DPT: variants seen among roughly 807,000 people sequenced by gnomAD.
The protein encoded by DPT is dermatopontin.
In DPT, 21 loss-of-function variants were observed where a neutral mutation model predicts 31.2. The ratio of observed to expected loss-of-function variants is 0.67; its 90% CI spans 0.48 to 0.97. The LOEUF is 0.97. Among genes scored for constraint, DPT ranks in the 50% least tolerant of loss-of-function variants. The pLI, the probability that DPT is intolerant of heterozygous loss-of-function variation, is 0.00. For synonymous variants in DPT, 91 were observed against 86.9 expected (o/e 1.05, Z -0.26); for missense variants, 262 against 258.8 (o/e 1.01, Z -0.08).
At chr1:168,719,625 C>G (rs1270667101) in intron 1 of DPT, among the ~76,000 whole-genome samples, 1 of 151,824 alleles carries the variant, frequency 6.6e-6, no homozygotes, top group African/African-American at 2.4e-5. Flanking sequence ...AGTTTCAGGC[C>G]CCTTCATGGA....
At chr1:168,699,945 G>A (rs1018656393) in intron 3 of DPT, among the ~76,000 whole-genome samples, 1 of 152,160 alleles carries the variant, frequency 6.6e-6, no homozygotes, top group Admixed American at 6.5e-5. Flanking sequence ...AGTTGATTGT[G>A]AGAGAAAGGT....
intron 2 of DPT, among the ~76,000 whole-genome samples, chr1:168,713,719 CT>C (rs957359686): frequency 2.3e-3 from 348 of 151,706 alleles, no homozygotes; most frequent in African/African-American, 8.0e-3. Context: ...ACAGCACAAT[CT>C]TTTTTTTTAA....
intron 2 of DPT, among the ~76,000 whole-genome samples, chr1:168,708,224 G>A (rs1222184260): frequency 6.6e-6 from 1 of 151,788 alleles, no homozygotes; most frequent in East Asian, 1.9e-4. Context: ...GAATATTTTT[G>A]ATTCAAAGTT....
At chr1:168,722,013 C>T (rs1399699144) in intron 1 of DPT, among the ~76,000 whole-genome samples, 1 of 152,128 alleles carries the variant, frequency 6.6e-6, no homozygotes, top group Non-Finnish European at 1.5e-5. Context: ...AGCGAGAATG[C>T]CTCCAAAAAT....
chr1:168,696,332 CAT>C lies in DPT; in HGVS notation c.*215_*216del, dbSNP rs1239073620. On this transcript the variant is annotated 3_prime_UTR_variant, in exon 4 of 4. Coordinates refer to ENST00000367817, the MANE Select transcript of DPT (RefSeq NM_001937.5). Reference sequence around the variant, plus strand: ...GTCATATAAAGCAGTTGCTATGAAACATGTGAAAAGTGAGAAACATGGTTTAA... The same window carrying C: ...GTCATATAAAGCAGTTGCTATGAAACGTGAAAAGTGAGAAACATGGTTTAA... The C allele has an allele frequency of 6.9e-6, 4 of 579,720 alleles. No homozygotes were observed. The highest frequency in any genetic ancestry group is 3.7e-5 in the African/African-American group (2 of 53,426). 35.9% of individuals were successfully genotyped at this position (579,720 alleles called of 1,614,324 possible).
At chr1:168,720,034 C>T (rs1650066732) in intron 1 of DPT, among the ~76,000 whole-genome samples, 1 of 152,150 alleles carries the variant, frequency 6.6e-6, no homozygotes, top group Admixed American at 6.5e-5. Context: ...TCTCCTGTAT[C>T]TGCAATAGTA....
intron 2 of DPT, among the ~76,000 whole-genome samples, chr1:168,710,391 CA>C (rs1649824419): frequency 6.6e-6 from 1 of 152,110 alleles, no homozygotes; most frequent in African/African-American, 2.4e-5. Flanking sequence ...GTACTTTCCC[CA>C]CCTTTTGGCT....
intron 2 of DPT, among the ~76,000 whole-genome samples, chr1:168,703,600 C>A (rs893678688): frequency 6.6e-6 from 1 of 152,062 alleles, no homozygotes; most frequent in African/African-American, 2.4e-5. Flanking sequence ...CTTCTTGGTC[C>A]CAGACAGGTT....
Position 168,696,164 on chromosome 1 carries a change from C to G in DPT, c.*385G>C. ...AGAGAACCTTCACTGCACCTCTCCT[C>G]CAGTTCTGCCTCTCCCCTCCACTAT... On this transcript the variant is annotated 3_prime_UTR_variant, in exon 4 of 4. Transcript: ENST00000367817. 1 of 418,584 alleles carries G rather than the reference C, an allele frequency of 2.4e-6. No individual in the cohort carries two copies. Among genetic ancestry groups the G allele is most frequent in the East Asian group, 3.5e-5 (1 of 28,892 alleles). The allele number at this position is 418,584 out of a possible 1,614,324, so 25.9% of individuals were successfully genotyped here.
chr1:168,701,044 G>T lies in DPT; in HGVS notation c.512C>A (p.Ala171Glu). The T allele has an allele frequency of 1.9e-6, 3 of 1,613,688 alleles. No individual in the cohort carries two copies. The highest frequency in any genetic ancestry group is 2.5e-6 in the Non-Finnish European group (3 of 1,179,812). ...SYNYDYYIRG[A>E]TTTFSAVERD... ...TTCCACTGCAGAGAAAGTGGTTGTT[G>T]CTCCTCGGATATAGTAATCATAATT... The change falls in exon 3 of 4, where the codon GCA (alanine) becomes GAA (glutamate). Residue 171 changes from alanine (A) to glutamate (E), a missense_variant. Physicochemically the swap from Ala to Glu is moderately radical, Grantham distance 107. Transcript: ENST00000367817.
chr1:168,715,346 T>C (rs1649957687), intron 1 of DPT, among the ~76,000 whole-genome samples: 1 of 152,060 alleles, frequency 6.6e-6, no homozygotes, highest in African/African-American at 2.4e-5. Flanking sequence ...CTTCCCACTT[T>C]TTGCTGTGAT....
At chr1:168,713,850 C>T (rs1310242142) in intron 2 of DPT, among the ~76,000 whole-genome samples, 17 of 152,080 alleles carry the variant, frequency 1.1e-4, no homozygotes, top group Non-Finnish European at 5.9e-5. Flanking sequence ...CAAATAGGCC[C>T]TGCAGCCTTG....
intron 1 of DPT, among the ~76,000 whole-genome samples, chr1:168,727,051 G>T (rs139039879): frequency 0.016 from 2,486 of 152,296 alleles, 24 homozygotes; most frequent in Non-Finnish European, 0.026. Context: ...CTGGGGCTGG[G>T]CTTCTGCTGT....
intron 1 of DPT, among the ~76,000 whole-genome samples, chr1:168,719,528 AGCACCTGGTTGTT>A (rs1650052484): frequency 6.6e-6 from 1 of 152,124 alleles, no homozygotes; most frequent in Non-Finnish European, 1.5e-5. Context: ...CTCACTTCAC[AGCACCTGGTTGTT>A]GCTCCTGAAT....
chr1:168,705,224 A>C (rs1186800200), intron 2 of DPT, among the ~76,000 whole-genome samples: 1 of 152,216 alleles, frequency 6.6e-6, no homozygotes, highest in Non-Finnish European at 1.5e-5. Flanking sequence ...GGAGCTAGAC[A>C]CTTTTCTTCT....
At chr1:168,717,197 C>T (rs1373362279) in intron 1 of DPT, among the ~76,000 whole-genome samples, 1 of 152,218 alleles carries the variant, frequency 6.6e-6, no homozygotes, top group Non-Finnish European at 1.5e-5. Context: ...CCTATTTCTT[C>T]ACAGCCTCGC....
At chr1:168,702,178 T>G (rs547654799) in intron 2 of DPT, among the ~76,000 whole-genome samples, 1 of 152,316 alleles carries the variant, frequency 6.6e-6, no homozygotes, top group South Asian at 2.1e-4. Flanking sequence ...AACAACTAGT[T>G]TGTGAGTGTC....
intron 1 of DPT, among the ~76,000 whole-genome samples, chr1:168,723,816 T>C (rs1650176470): frequency 6.6e-6 from 1 of 152,210 alleles, no homozygotes; most frequent in African/African-American, 2.4e-5. Flanking sequence ...TTGTGCTGCA[T>C]CCTTATATTT....
rs547207106 is a variant in DPT at position 168,722,186 on chromosome 1, G to A, written c.305+6684C>T. 4.3e-4 allele frequency among the ~76,000 whole-genome samples: 66 copies of A among 152,242 alleles called. 1 individual carries two copies. The highest frequency in any genetic ancestry group is 1.0e-3 in the African/African-American group (43 of 41,544). On this transcript the variant is annotated intron_variant, in intron 1 of 3. Coordinates refer to ENST00000367817, the MANE Select transcript of DPT (RefSeq NM_001937.5). ...ACATTAGCATCACAGTAAATTTGAC[G>A]TGAGTTTATGAATATCAATTATAAT...
Sources: allele counts gnomAD v4.1 joint callset (sites outside exome capture counted in the v4.1 genomes callset), GRCh38; gene constraint gnomAD v4.1.1; transcripts MANE v1.5; gene names NCBI Gene and HGNC (gene_info 2026-07-23, HGNC 2026-07-21).